CEP126: variants seen among roughly 807,000 people sequenced by gnomAD.
CEP126 encodes centrosomal protein of 126 kDa.
CEP126 carries 74 observed loss-of-function variants against 107.8 expected under a neutral mutation model. That is an observed-to-expected ratio of 0.69 (90% CI 0.57 to 0.83). The LOEUF is 0.83. CEP126 is among the 40% of genes least tolerant of loss of function. The pLI, the probability that CEP126 is intolerant of heterozygous loss-of-function variation, is 0.00. For synonymous variants in CEP126, 449 were observed against 446.0 expected, an observed-to-expected ratio of 1.01 and a Z score of -0.08; for missense variants, 1,237 against 1,281.9, an observed-to-expected ratio of 0.96 and a Z score of 0.53.
At chr11:101,955,312 A>G (rs1940869681) in intron 4 of CEP126, among the ~76,000 whole-genome samples, 1 of 152,234 alleles carries the variant, frequency 6.6e-6, no homozygotes, top group Non-Finnish European at 1.5e-5. Context: ...GGTGTAAAGT[A>G]AAAGGGGATA....
In CEP126 at chr11:101,963,636, C is replaced by T; in HGVS notation, c.2601C>T (p.Asp867=). 6 of 1,614,094 alleles carry T rather than the reference C, an allele frequency of 3.7e-6. No individual in the cohort carries two copies. Among genetic ancestry groups the T allele is most frequent in the Non-Finnish European group, 5.1e-6 (6 of 1,179,970 alleles). Residue 867 remains aspartate, a synonymous_variant, in exon 6 of 11, where the codon GAC becomes GAT. Coordinates refer to ENST00000263468, the MANE Select transcript of CEP126 (RefSeq NM_020802.4). ...SSSPLSNACS[D]LVTVIPSLPS... Reference sequence around the variant, plus strand: ...CTCCACTCTCAAATGCTTGTTCTGACCTAGTCACTGTGATACCATCACTGC... The same window carrying T: ...CTCCACTCTCAAATGCTTGTTCTGATCTAGTCACTGTGATACCATCACTGC...
Position 101,948,156 on chromosome 11 carries a change from G to T in CEP126, c.506+14G>T. 6.9e-7 allele frequency: 1 copy of T among 1,453,022 alleles called. No individual in the cohort carries two copies. The highest frequency in any genetic ancestry group is 9.6e-7 in the Non-Finnish European group (1 of 1,038,306). The allele number at this position is 1,453,022 out of a possible 1,614,324, so 90.0% of individuals were successfully genotyped here. On this transcript the variant is annotated intron_variant, in intron 4 of 10. Coordinates refer to ENST00000263468, the MANE Select transcript of CEP126 (RefSeq NM_020802.4). ...AATAAACTGGAGGTAAGTAATTTAT[G>T]ATCATTGTATACAATTATTACAATA...
chr11:101,962,416 A>G lies in CEP126; in HGVS notation c.1381A>G (p.Thr461Ala), dbSNP rs1373514162. ...TCCTACTTCATGTGTACCAGTGGCAACGCCTTTAGTTTTGCCATCTAATAT... is the reference window on the plus strand; with the variant it reads ...TCCTACTTCATGTGTACCAGTGGCAGCGCCTTTAGTTTTGCCATCTAATAT... Reference protein sequence around the residue: ...SIPTSCVPVATPLVLPSNIQS... With the variant: ...SIPTSCVPVAAPLVLPSNIQS... Residue 461 changes from threonine (T) to alanine (A), a missense_variant, in exon 6 of 11, where the codon ACG becomes GCG. Thr to Ala is a moderately conservative substitution (Grantham distance 58, BLOSUM62 0). Around this residue, in one of 3 missense-constraint regions of CEP126, gnomAD observed 1,134 missense variants for 1,150.5 expected, o/e 0.99. Transcript: ENST00000263468. 6.2e-7 allele frequency: 1 copy of G among 1,613,952 alleles called. No individual in the cohort carries two copies. The highest frequency in any genetic ancestry group is 1.1e-5 in the South Asian group (1 of 91,072).
At chr11:101,940,891 T>A (rs761430298) in intron 2 of CEP126, among the ~76,000 whole-genome samples, 2 of 152,172 alleles carry the variant, frequency 1.3e-5, no homozygotes, top group African/African-American at 2.4e-5. Flanking sequence ...TCCATAACAT[T>A]CTGTTGGTAA....
At chr11:101,945,211 C>G (rs1380991348) in intron 3 of CEP126, among the ~76,000 whole-genome samples, 1 of 152,204 alleles carries the variant, frequency 6.6e-6, no homozygotes, top group Non-Finnish European at 1.5e-5. Context: ...TCAAGGACAT[C>G]ATTCTTGGAA....
At chr11:101,961,195 A>G (rs115580543) in intron 5 of CEP126, among the ~76,000 whole-genome samples, 7 of 152,052 alleles carry the variant, frequency 4.6e-5, no homozygotes, top group African/African-American at 1.4e-4. Context: ...CCAGGTATAG[A>G]TATTTTACAC....
chr11:101,918,162 A>G (rs1940259363), intron 1 of CEP126, among the ~76,000 whole-genome samples: 1 of 152,120 alleles, frequency 6.6e-6, no homozygotes, highest in Non-Finnish European at 1.5e-5. Flanking sequence ...AAGTGAACCC[A>G]TTCAGCTGGG....
intron 6 of CEP126, among the ~76,000 whole-genome samples, chr11:101,973,275 A>T (rs1941154691): frequency 6.6e-6 from 1 of 152,250 alleles, no homozygotes. Context: ...TTTTTCAGTC[A>T]TACAGTATAA....
chr11:101,919,827 C>A (rs893855297), intron 1 of CEP126, among the ~76,000 whole-genome samples: 1 of 152,172 alleles, frequency 6.6e-6, no homozygotes, highest in Non-Finnish European at 1.5e-5. Flanking sequence ...CCTTGCTTCT[C>A]ACTTAAGCCA....
chr11:101,975,215 T>G (rs1268292682), intron 6 of CEP126, among the ~76,000 whole-genome samples: 1 of 152,212 alleles, frequency 6.6e-6, no homozygotes, highest in Non-Finnish European at 1.5e-5. Context: ...CTTTTTAAAC[T>G]GTGGGACATG....
At position 101,963,321 on chromosome 11, in the gene CEP126, T is replaced by G; in HGVS notation, c.2286T>G (p.Ser762=). The G allele has an allele frequency of 6.2e-7, 1 of 1,613,804 alleles. No homozygotes were observed. Among genetic ancestry groups the G allele is most frequent in the African/African-American group, 1.3e-5 (1 of 74,958 alleles). ...GRAKIIRKPG[S]AKVQSGFICT... is the part of the protein sequence containing the mutation. ...CAAAAATAATTAGAAAACCAGGATC[T>G]GCAAAAGTCCAATCAGGCTTTATAT... The change falls in exon 6 of 11, where the codon TCT becomes TCG. Residue 762 remains serine (S), a synonymous_variant. Transcript: ENST00000263468.
rs1173540209 is a variant in CEP126, at chr11:101,958,163, C to T, written c.507-5C>T. On this transcript the variant is annotated splice_polypyrimidine_tract_variant and splice_region_variant and intron_variant, in intron 4 of 10. Coordinates refer to ENST00000263468, the MANE Select transcript of CEP126 (RefSeq NM_020802.4). Reference sequence around the variant, plus strand: ...TACTAAGCACTTTTTATGTCTGGTTCACAGAGCTATAGATTCTGCCTTGCC... The same window carrying T: ...TACTAAGCACTTTTTATGTCTGGTTTACAGAGCTATAGATTCTGCCTTGCC... 1.1e-5 allele frequency: 18 copies of T among 1,611,688 alleles called. No homozygotes were observed. Among genetic ancestry groups the T allele is most frequent in the Non-Finnish European group, 1.4e-5 (17 of 1,178,974 alleles).
At chr11:101,991,809 G>A (rs897515960) in intron 9 of CEP126, among the ~76,000 whole-genome samples, 1 of 151,896 alleles carries the variant, frequency 6.6e-6, no homozygotes, top group African/African-American at 2.4e-5. Flanking sequence ...CATAATTTGG[G>A]GCAAAAAACG....
rs768887715 is a variant in CEP126, at chr11:101,963,539, A to C, written c.2504A>C (p.His835Pro). 6.2e-7 allele frequency: 1 copy of C among 1,614,162 alleles called. No individual in the cohort carries two copies. Among genetic ancestry groups the C allele is most frequent in the South Asian group, 1.1e-5 (1 of 91,074 alleles). The change falls in exon 6 of 11, where the codon CAT (histidine) becomes CCT (proline). Residue 835 changes from histidine to proline, a missense_variant. This residue lies in a region of CEP126 where 1,134 missense variants were observed against 1,150.5 expected (regional missense o/e 0.99). Transcript: ENST00000263468. ...GAAAATCCTCAAAACATTATTACAC[A>C]TAACTCTTTTAATTCAAAACATGTG... ...TPENPQNIIT[H>P]NSFNSKHVLP...
intron 6 of CEP126, among the ~76,000 whole-genome samples, chr11:101,970,665 T>A (rs191386732): frequency 8.5e-5 from 13 of 152,312 alleles, no homozygotes; most frequent in African/African-American, 3.1e-4. Context: ...AAAATTTGAT[T>A]ACTAGAAAGG....
intron 2 of CEP126, among the ~76,000 whole-genome samples, chr11:101,942,012 G>A (rs1940671697): frequency 6.6e-6 from 1 of 152,006 alleles, no homozygotes; most frequent in Admixed American, 6.6e-5. Context: ...TTGATGTGGA[G>A]TTGTTGGAGT....
chr11:101,983,497 A>G (rs571080418), intron 8 of CEP126, among the ~76,000 whole-genome samples: 17 of 152,236 alleles, frequency 1.1e-4, no homozygotes, highest in Non-Finnish European at 1.8e-4. Flanking sequence ...GCAAAGATCT[A>G]TCATGATGAA....
chr11:101,923,045 CT>C lies in CEP126; in HGVS notation c.248+287del, dbSNP rs200200236. On this transcript the variant is annotated intron_variant, in intron 2 of 10. Coordinates refer to ENST00000263468, the MANE Select transcript of CEP126 (RefSeq NM_020802.4). ...TTAAAATGACTATGAAATGTATTAT[CT>C]TCTTTTTTTGTATCATTTCATGATT... Among the ~76,000 whole-genome samples the C allele has an allele frequency of 4.5e-3, 688 of 152,194 alleles. 8 individuals carry two copies. The highest frequency in any genetic ancestry group is 0.015 in the African/African-American group (632 of 41,536).
chr11:101,948,198 GT>G, intron 4 of CEP126, 56 bp downstream of exon 4: 1 of 1,062,862 alleles, frequency 9.4e-7, no homozygotes. Context: ...TAACCATCTA[GT>G]TACTGTGCTT....
Sources: allele counts gnomAD v4.1 joint callset (sites outside exome capture counted in the v4.1 genomes callset), GRCh38; gene constraint gnomAD v4.1.1; regional missense constraint gnomAD v4.1.1; transcripts MANE v1.5; gene names NCBI Gene and HGNC (gene_info 2026-07-23, HGNC 2026-07-21).